Variants in PCDH15 observed in about 807,000 individuals in gnomAD.
PCDH15 encodes protocadherin related 15, also known as protocadherin-15.
In PCDH15, 129 loss-of-function variants were observed where a neutral mutation model predicts 178.5. The ratio of observed to expected loss-of-function variants is 0.72; its 90% CI spans 0.63 to 0.84. PCDH15 has a LOEUF of 0.84. Among genes scored for constraint, PCDH15 ranks in the 40% least tolerant of loss-of-function variants. The pLI is 0.00. For missense variants in PCDH15, 2,230 were observed against 2,099.9 expected, an observed-to-expected ratio of 1.06 and a Z score of -1.21; for synonymous variants, 800 against 732.0, an observed-to-expected ratio of 1.09 and a Z score of -1.50.
intron 2 of PCDH15, among the ~76,000 whole-genome samples, chr10:55,622,189 T>TATATTTATTATATATATTTAAATA (rs1564488672): frequency 1.1e-5 from 1 of 90,066 alleles, no homozygotes. Context: ...ATATATACAT[T>TATATTTATTATATATATTTAAATA]TTATGTAGAC....
intron 3 of PCDH15, among the ~76,000 whole-genome samples, chr10:54,807,529 C>CT (rs540683037): frequency 6.6e-6 from 1 of 150,808 alleles, no homozygotes. Context: ...AACTTGGGAA[C>CT]TTTTTTTTTC....
rs138637214 is a variant in PCDH15 at position 54,383,732 on chromosome 10, A to G, written c.158-4790T>C. Reference sequence around the variant, plus strand: ...CCCACTCTCCTCAACCAAAAAAAAAAAGAAGAGTATAGAATCTAATCAGGC... The same window carrying G: ...CCCACTCTCCTCAACCAAAAAAAAAGAGAAGAGTATAGAATCTAATCAGGC... On this transcript the variant is annotated intron_variant, in intron 3 of 37. Transcript: ENST00000644397. Among the ~76,000 whole-genome samples, 1,365 of 152,028 alleles carry G rather than the reference A, an allele frequency of 9.0e-3. 25 individuals carry two copies. The highest frequency in any genetic ancestry group is 0.031 in the African/African-American group (1,287 of 41,464).
At chr10:54,922,117 C>A (rs745998927) in intron 2 of PCDH15, among the ~76,000 whole-genome samples, 1 of 152,164 alleles carries the variant, frequency 6.6e-6, no homozygotes, top group Admixed American at 6.5e-5. Flanking sequence ...CAGAGCCAAA[C>A]AATATCATTC....
chr10:55,234,555 T>TC, intron 1 of PCDH15, among the ~76,000 whole-genome samples: 1 of 151,922 alleles, frequency 6.6e-6, no homozygotes, highest in Admixed American at 6.6e-5. Flanking sequence ...TGGGTGGATT[T>TC]CTTTTTGTAG....
chr10:54,102,931 T>C (rs6481056), intron 15 of PCDH15, among the ~76,000 whole-genome samples: 116,718 of 152,172 alleles, frequency 0.77, 45,865 homozygotes, highest in African/African-American at 0.92. Context: ...TCAGAGCCAG[T>C]GTCCAGCAGT....
At chr10:54,135,844 T>G (rs1486983526) in intron 14 of PCDH15, among the ~76,000 whole-genome samples, 6 of 152,176 alleles carry the variant, frequency 3.9e-5, no homozygotes. Context: ...CTTCATTATT[T>G]CCACATAATA....
intron 15 of PCDH15, among the ~76,000 whole-genome samples, chr10:54,109,394 C>T (rs1407834257): frequency 2.0e-5 from 3 of 152,146 alleles, no homozygotes; most frequent in Non-Finnish European, 4.4e-5. Flanking sequence ...TAAAACTAGA[C>T]ACTTATCTCC....
intron 2 of PCDH15, among the ~76,000 whole-genome samples, chr10:54,924,199 T>A: frequency 7.3e-6 from 1 of 136,678 alleles, no homozygotes; most frequent in Non-Finnish European, 1.7e-5. Flanking sequence ...CCAGACCTCA[T>A]GAGAACTTAC....
At chr10:55,401,593 A>AGTGTGTGTGTGT (rs1565100632) in intron 2 of PCDH15, among the ~76,000 whole-genome samples, 2 of 73,690 alleles carry the variant, frequency 2.7e-5, no homozygotes, top group African/African-American at 1.7e-4. Flanking sequence ...AATTTGCCTT[A>AGTGTGTGTGTGT]CTGTGTGTGT....
chr10:55,503,127 T>C (rs1308472691), intron 2 of PCDH15, among the ~76,000 whole-genome samples: 1 of 151,414 alleles, frequency 6.6e-6, no homozygotes, highest in Non-Finnish European at 1.5e-5. Context: ...TATTAATTCA[T>C]TAAACACATA....
chr10:54,784,897 T>C (rs1319979582), intron 1 of PCDH15, among the ~76,000 whole-genome samples: 1 of 152,050 alleles, frequency 6.6e-6, no homozygotes, highest in Non-Finnish European at 1.5e-5. Context: ...TTTTATTTTT[T>C]CTACCTCTGA....
intron 1 of PCDH15, among the ~76,000 whole-genome samples, chr10:55,313,306 T>C (rs1843636994): frequency 6.6e-6 from 1 of 152,220 alleles, no homozygotes; most frequent in Admixed American, 6.5e-5. Context: ...GGTTCCCTTC[T>C]TTTCTGCAGC....
At chr10:55,350,161 A>G (rs1225248732) in intron 2 of PCDH15, among the ~76,000 whole-genome samples, 1 of 148,824 alleles carries the variant, frequency 6.7e-6, no homozygotes, top group African/African-American at 2.5e-5. Flanking sequence ...CAAGGAAATA[A>G]TTTATCATGA....
At chr10:55,414,215 A>G (rs1405855949) in intron 2 of PCDH15, among the ~76,000 whole-genome samples, 2 of 151,602 alleles carry the variant, frequency 1.3e-5, no homozygotes, top group Non-Finnish European at 3.0e-5. Flanking sequence ...TTAAGAGGAT[A>G]GAAAATAGGT....
At chr10:54,474,416 C>T (rs1174589999) in intron 3 of PCDH15, among the ~76,000 whole-genome samples, 1 of 151,908 alleles carries the variant, frequency 6.6e-6, no homozygotes, top group Non-Finnish European at 1.5e-5. Flanking sequence ...AAATCCTATG[C>T]TAAAGCCTGT....
At chr10:54,846,881 C>G (rs1021556458) in intron 3 of PCDH15, among the ~76,000 whole-genome samples, 1 of 152,052 alleles carries the variant, frequency 6.6e-6, no homozygotes, top group South Asian at 2.1e-4. Flanking sequence ...AGAATAGATG[C>G]GGATGTTACA....
intron 25 of PCDH15, among the ~76,000 whole-genome samples, chr10:53,908,150 G>T (rs373825420): frequency 1.1e-4 from 16 of 152,308 alleles, no homozygotes; most frequent in Middle Eastern, 3.4e-3. Flanking sequence ...AGTCACAACA[G>T]TGTGGATAGG....
chr10:55,272,035 C>T (rs553712329), intron 1 of PCDH15, among the ~76,000 whole-genome samples: 8 of 152,004 alleles, frequency 5.3e-5, no homozygotes, highest in South Asian at 2.1e-4. Flanking sequence ...AAACAGAGAA[C>T]GAAAATAAGC....
At position 54,020,149 on chromosome 10, in the gene PCDH15, G is replaced by C. The variant is rs2660169; in HGVS notation, c.2751+43C>G. The C allele has an allele frequency of 0.068, 104,513 of 1,546,326 alleles. 11,783 individuals are homozygous for C. Among genetic ancestry groups the C allele is most frequent in the African/African-American group, 0.46 (34,093 of 73,472 alleles). The stretch of plus-strand genomic sequence containing the variant: ...ATAGAAGGAACAAAACCTACATGTA[G>C]AGAGAGCAAAGCAGGCAACCAGAAG... On this transcript the variant is annotated intron_variant, in intron 20 of 37. Transcript: ENST00000644397.
Sources: allele counts gnomAD v4.1 joint callset (sites outside exome capture counted in the v4.1 genomes callset), GRCh38; gene constraint gnomAD v4.1.1; transcripts MANE v1.5; gene names NCBI Gene and HGNC (gene_info 2026-07-23, HGNC 2026-07-21).